Variants in TTC17 observed in about 807,000 individuals in gnomAD.
TTC17 encodes the protein tetratricopeptide repeat protein 17.
Under a neutral mutation model 143.8 loss-of-function variants are expected in TTC17, and 58 were observed. That is an observed-to-expected ratio of 0.40 (90% CI 0.33 to 0.50). TTC17 has a LOEUF of 0.50. Among genes scored for constraint, TTC17 ranks in the 20% least tolerant of loss-of-function variants. The probability of loss-of-function intolerance (pLI) is 0.49; values close to 1 mark genes in which losing one functional copy is unlikely to be tolerated. For missense variants in TTC17, 1,273 were observed against 1,392.5 expected, an observed-to-expected ratio of 0.91 and a Z score of 1.37; for synonymous variants, 501 against 497.8, an observed-to-expected ratio of 1.01 and a Z score of -0.09.
chr11:43,375,024 T>C (rs1460678104), intron 1 of TTC17, among the ~76,000 whole-genome samples: 1 of 152,214 alleles, frequency 6.6e-6, no homozygotes, highest in Non-Finnish European at 1.5e-5. Flanking sequence ...TTATAAAGTT[T>C]TCATTGGAAT....
intron 8 of TTC17, among the ~76,000 whole-genome samples, chr11:43,398,678 T>TA (rs1219156674): frequency 6.6e-6 from 1 of 152,200 alleles, no homozygotes; most frequent in African/African-American, 2.4e-5. Context: ...TATAATAAGT[T>TA]AAAAAACATT....
Position 43,407,647 on chromosome 11 carries a change from A to G in TTC17, c.2064+70A>G. The G allele has an allele frequency of 2.9e-6, 4 of 1,401,306 alleles. No individual in the cohort carries two copies. In the South Asian group the frequency reaches 3.8e-5, roughly 13 times the overall value. 86.8% of individuals were successfully genotyped at this position (1,401,306 alleles called of 1,614,324 possible). A position where few individuals can be genotyped will look rare whatever the true frequency, so the allele number is the denominator to read the frequency against. ...AACTCAAATTTAGATTACAATTTGT[A>G]TTTTTCTAGGGAAAGCATAAAAAAT... is the stretch of plus-strand genomic sequence containing the variant. On this transcript the variant is annotated intron_variant, in intron 15 of 23. Coordinates refer to ENST00000039989, the MANE Select transcript of TTC17 (RefSeq NM_018259.6).
chr11:43,366,340 A>G (rs1590303238), intron 1 of TTC17, among the ~76,000 whole-genome samples: 1 of 152,008 alleles, frequency 6.6e-6, no homozygotes, highest in East Asian at 1.9e-4. Flanking sequence ...CCCCATCTCT[A>G]CTAAAATACC....
chr11:43,490,994 G>A (rs1948465940), intron 22 of TTC17: 1 of 151,618 alleles, frequency 6.6e-6, no homozygotes, highest in African/African-American at 2.4e-5. Flanking sequence ...TCTGAGTTCT[G>A]CATTAATCCA....
chr11:43,478,544 T>C (rs950928224), intron 21 of TTC17, among the ~76,000 whole-genome samples: 1 of 152,172 alleles, frequency 6.6e-6, no homozygotes, highest in African/African-American at 2.4e-5. Context: ...AACATGGCCA[T>C]GAGTTGATAA....
intron 16 of TTC17, among the ~76,000 whole-genome samples, chr11:43,436,958 G>A (rs921892828): frequency 6.6e-5 from 10 of 151,934 alleles, no homozygotes; most frequent in African/African-American, 2.4e-4. Context: ...CCCTTTATTT[G>A]TTGGGTTATC....
At chr11:43,359,330 C>T (rs1662846728) in intron 1 of TTC17, 1 of 551,994 alleles carries the variant, frequency 1.8e-6, no homozygotes, top group African/African-American at 2.0e-5. Flanking sequence ...TAGAAGTTCT[C>T]ACCCTTCCAC....
At chr11:43,430,709 G>GCACGCACACACACACACA (rs1554994151) in intron 16 of TTC17, among the ~76,000 whole-genome samples, 1 of 138,448 alleles carries the variant, frequency 7.2e-6, no homozygotes, top group Non-Finnish European at 1.5e-5. Context: ...CTACATACAC[G>GCACGCACACACACACACA]CACACACACA....
intron 21 of TTC17, among the ~76,000 whole-genome samples, chr11:43,481,295 T>C (rs1948282648): frequency 6.6e-6 from 1 of 152,214 alleles, no homozygotes; most frequent in South Asian, 2.1e-4. Context: ...TTCTCCATTA[T>C]GCATAAGTCA....
At chr11:43,446,306 A>G (rs1250995640) in intron 18 of TTC17, 1 of 491,960 alleles carries the variant, frequency 2.0e-6, no homozygotes, top group Non-Finnish European at 2.9e-6. Flanking sequence ...ACCTTCAGGC[A>G]GAATTAGTTA....
intron 2 of TTC17, 124 bp downstream of exon 2, chr11:43,379,446 A>G (rs2134480225): frequency 1.4e-6 from 1 of 737,252 alleles, no homozygotes; most frequent in Non-Finnish European, 2.2e-6. Flanking sequence ...TTGCGGGAAT[A>G]TACTACCTGC....
At chr11:43,382,691 T>A (rs1379049367) in intron 2 of TTC17, among the ~76,000 whole-genome samples, 5 of 152,116 alleles carry the variant, frequency 3.3e-5, no homozygotes, top group African/African-American at 1.2e-4. Flanking sequence ...TGAGAAGAGA[T>A]TTATAGGCTT....
At chr11:43,423,032 T>C (rs1009152336) in intron 16 of TTC17, among the ~76,000 whole-genome samples, 1 of 152,066 alleles carries the variant, frequency 6.6e-6, no homozygotes, top group Non-Finnish European at 1.5e-5. Flanking sequence ...GGGGATGAAA[T>C]CTAAGGCACA....
intron 1 of TTC17, among the ~76,000 whole-genome samples, chr11:43,361,978 C>CTTTTT (rs35924919): frequency 7.4e-6 from 1 of 134,998 alleles, no homozygotes; most frequent in African/African-American, 2.9e-5. Context: ...ATCATTATAA[C>CTTTTT]TTTTTTTTTT....
chr11:43,414,755 A>G lies in TTC17; in HGVS notation c.2230A>G (p.Ile744Val), dbSNP rs1287597963. Residue 744 changes from isoleucine (I) to valine (V), a missense_variant, in exon 16 of 24, where the codon ATC (isoleucine) becomes GTC (valine). Coordinates refer to ENST00000039989, the MANE Select transcript of TTC17 (RefSeq NM_018259.6). ...CMQFYPFLYN[I>V]TSSVCSGTVV... ...GCAGTTTTATCCTTTTCTGTACAAC[A>G]TCACTTCTTCTGTTTGCAGTGGTAA... 1.2e-6 allele frequency: 2 copies of G among 1,613,458 alleles called. No individual in the cohort carries two copies. The highest frequency in any genetic ancestry group is 1.7e-6 in the Non-Finnish European group (2 of 1,179,652).
intron 1 of TTC17, among the ~76,000 whole-genome samples, chr11:43,370,960 A>G (rs1304780757): frequency 7.0e-6 from 1 of 143,128 alleles, no homozygotes; most frequent in Non-Finnish European, 1.5e-5. Flanking sequence ...CACCACACCC[A>G]GCTACTTCTA....
intron 1 of TTC17, among the ~76,000 whole-genome samples, chr11:43,361,034 A>G (rs1366946187): frequency 6.6e-6 from 1 of 152,214 alleles, no homozygotes; most frequent in African/African-American, 2.4e-5. Context: ...CAGTGTAACA[A>G]TAAGAGGCCA....
intron 16 of TTC17, among the ~76,000 whole-genome samples, chr11:43,434,408 G>T (rs557301145): frequency 6.6e-6 from 1 of 152,126 alleles, no homozygotes; most frequent in Non-Finnish European, 1.5e-5. Context: ...CCTACTGATC[G>T]GCGGGGGGAA....
chr11:43,361,386 CATTGTA>C (rs1856097972), intron 1 of TTC17, among the ~76,000 whole-genome samples: 1 of 152,176 alleles, frequency 6.6e-6, no homozygotes, highest in Non-Finnish European at 1.5e-5. Flanking sequence ...CTGATAAACT[CATTGTA>C]AGTCGAAAAT....
Sources: allele counts gnomAD v4.1 joint callset (sites outside exome capture counted in the v4.1 genomes callset), GRCh38; gene constraint gnomAD v4.1.1; transcripts MANE v1.5; gene names NCBI Gene and HGNC (gene_info 2026-07-23, HGNC 2026-07-21).